The following C10orf67 variants were observed in gnomAD, a reference collection of about 807,000 sequenced individuals.
C10orf67 encodes uncharacterized protein C10orf67, mitochondrial.
A neutral mutation model predicts 35.6 loss-of-function variants in C10orf67; 60 were observed. The ratio of observed to expected loss-of-function variants is 1.68; its 90% CI spans 1.37 to 2.09. The LOEUF (loss-of-function observed/expected upper bound fraction) is 2.09. Ranked by LOEUF, C10orf67 falls within the 30% of genes most tolerant of loss-of-function variation. The probability of loss-of-function intolerance (pLI) is 0.00; values close to 1 mark genes in which losing one functional copy is unlikely to be tolerated. For missense variants in C10orf67, 474 were observed against 330.2 expected (o/e 1.44, Z -3.38); for synonymous variants, 167 against 115.8 (o/e 1.44, Z -2.84).
At chr10:23,310,481 G>A (rs888348406) in intron 4 of C10orf67, among the ~76,000 whole-genome samples, 34 of 152,336 alleles carry the variant, frequency 2.2e-4, no homozygotes, top group African/African-American at 7.9e-4. Context: ...GTAACCTGCT[G>A]CCTTTGGTTC....
At chr10:23,240,862 A>AT (rs1842161480) in intron 12 of C10orf67, among the ~76,000 whole-genome samples, 2 of 152,346 alleles carry the variant, frequency 1.3e-5, no homozygotes, top group Non-Finnish European at 2.9e-5. Flanking sequence ...GACGTACAAG[A>AT]TTTTGAGAAT....
chr10:23,282,748 T>C (rs920997140), intron 7 of C10orf67, among the ~76,000 whole-genome samples: 2 of 152,190 alleles, frequency 1.3e-5, no homozygotes, highest in Non-Finnish European at 2.9e-5. Context: ...GGAGGATTGC[T>C]TGAGCCCAGG....
Position 23,320,769 on chromosome 10 carries a change from G to A in C10orf67, c.518C>T (p.Ala173Val). 2 of 1,593,184 alleles carry A rather than the reference G, an allele frequency of 1.3e-6. No homozygotes were observed. Among genetic ancestry groups the A allele is most frequent in the Non-Finnish European group, 1.7e-6 (2 of 1,169,450 alleles). The change falls in exon 4 of 16, where the codon GCC (alanine) becomes GTC (valine). Residue 173 changes from alanine (A) to valine (V), a missense_variant. Ala to Val is a moderately conservative substitution (Grantham distance 64). Transcript: ENST00000636213. ...RKSFNQQLAD[A>V]IAVIKGMYQQ... ...GTACATTCCTTTGATAACAGCTATG[G>A]CATCAGCTAACTGCTGATTGAAGGA...
At chr10:23,219,749 T>C (rs1421500523) in intron 15 of C10orf67, among the ~76,000 whole-genome samples, 1 of 152,222 alleles carries the variant, frequency 6.6e-6, no homozygotes, top group Non-Finnish European at 1.5e-5. Context: ...TATCACCTGA[T>C]GTAACATTAT....
intron 8 of C10orf67, among the ~76,000 whole-genome samples, chr10:23,279,491 G>A (rs958737324): frequency 3.3e-5 from 5 of 152,226 alleles, no homozygotes; most frequent in African/African-American, 1.2e-4. Flanking sequence ...AGACTGCAAT[G>A]GTAACTCAGT....
chr10:23,253,483 G>A (rs1842516301), intron 10 of C10orf67, among the ~76,000 whole-genome samples: 1 of 152,040 alleles, frequency 6.6e-6, no homozygotes, highest in African/African-American at 2.4e-5. Context: ...AAGAGCCCCA[G>A]GCCCAGGGTC....
chr10:23,323,987 A>C (rs1845086680), intron 2 of C10orf67, among the ~76,000 whole-genome samples: 1 of 124,416 alleles, frequency 8.0e-6, no homozygotes, highest in African/African-American at 3.1e-5. Context: ...AAATGCTTCC[A>C]ACTTCATTCA....
chr10:23,290,621 A>G (rs1243766586), intron 6 of C10orf67, among the ~76,000 whole-genome samples: 2 of 152,232 alleles, frequency 1.3e-5, no homozygotes, highest in African/African-American at 2.4e-5. Context: ...TGTGGTATGA[A>G]AGAAAAGAGG....
At chr10:23,245,190 C>G (rs1842286214) in intron 12 of C10orf67, among the ~76,000 whole-genome samples, 1 of 152,156 alleles carries the variant, frequency 6.6e-6, no homozygotes, top group African/African-American at 2.4e-5. Flanking sequence ...CTATATTACA[C>G]AGTACACAAA....
At chr10:23,332,760 T>C (rs1415066727) in intron 2 of C10orf67, among the ~76,000 whole-genome samples, 1 of 152,170 alleles carries the variant, frequency 6.6e-6, no homozygotes, top group East Asian at 1.9e-4. Context: ...TTATTCATTA[T>C]ATATGCAAAG....
At chr10:23,324,709 G>A (rs1326044230) in intron 2 of C10orf67, among the ~76,000 whole-genome samples, 1 of 152,194 alleles carries the variant, frequency 6.6e-6, no homozygotes, top group Non-Finnish European at 1.5e-5. Context: ...CATGGCAATA[G>A]TTCTTTCTAG....
chr10:23,313,566 G>T (rs911127818), intron 4 of C10orf67, among the ~76,000 whole-genome samples: 4 of 152,210 alleles, frequency 2.6e-5, no homozygotes, highest in Non-Finnish European at 5.9e-5. Context: ...TGCAGGAAGA[G>T]TCTAGTGGAC....
chr10:23,278,558 T>C (rs1005577955), intron 8 of C10orf67, among the ~76,000 whole-genome samples: 5 of 152,172 alleles, frequency 3.3e-5, no homozygotes, highest in Non-Finnish European at 7.3e-5. Flanking sequence ...GCAGGTAAGA[T>C]AACAGGCCAT....
rs71504899 is a variant in C10orf67 at position 23,342,568 on chromosome 10, A to AT, written c.206+2000dup. 7.9e-5 allele frequency among the ~76,000 whole-genome samples: 12 copies of AT among 150,958 alleles called. No individual in the cohort carries two copies. In the South Asian group the frequency reaches 1.3e-3, roughly 16 times the overall value. ...GTCTGCTCTTGAGCCTGGCAAGTGC[A>AT]TTTTTTTTTGGGAGCTACCCCACCA... is the stretch of plus-strand genomic sequence containing the variant. On this transcript the variant is annotated intron_variant, in intron 1 of 15. Transcript: ENST00000636213.
chr10:23,290,331 G>A (rs879328783), intron 6 of C10orf67, among the ~76,000 whole-genome samples: 5 of 152,204 alleles, frequency 3.3e-5, no homozygotes, highest in East Asian at 1.9e-4. Flanking sequence ...CACAGCAGAA[G>A]AGAATGAGAC....
chr10:23,275,790 G>A (rs946430087), intron 8 of C10orf67, among the ~76,000 whole-genome samples: 2 of 152,134 alleles, frequency 1.3e-5, no homozygotes, highest in African/African-American at 4.8e-5. Context: ...CTTTTACAAA[G>A]ATGTTTGTAA....
rs565643812 is a variant in C10orf67 at position 23,243,074 on chromosome 10, A to C, written c.1347-3258T>G. Reference sequence around the variant, plus strand: ...TGCACTCTTAACCAAATAGTTAAGCAGACATTAAGCTAAAGAGCATTACTA... The same window carrying C: ...TGCACTCTTAACCAAATAGTTAAGCCGACATTAAGCTAAAGAGCATTACTA... On this transcript the variant is annotated intron_variant, in intron 12 of 15. Transcript: ENST00000636213. 3.9e-5 allele frequency among the ~76,000 whole-genome samples: 6 copies of C among 152,324 alleles called. No individual in the cohort carries two copies. The East Asian group carries it at 7.7e-4, about 20-fold the overall frequency.
At chr10:23,324,504 C>G (rs1270889128) in intron 2 of C10orf67, among the ~76,000 whole-genome samples, 2 of 152,168 alleles carry the variant, frequency 1.3e-5, no homozygotes, top group Non-Finnish European at 2.9e-5. Flanking sequence ...CCCAATAACT[C>G]TGGAAGTGCA....
At chr10:23,218,769 AT>A (rs1478414202) in intron 15 of C10orf67, among the ~76,000 whole-genome samples, 3 of 152,136 alleles carry the variant, frequency 2.0e-5, no homozygotes, top group East Asian at 3.8e-4. Context: ...TCCTTCTAAC[AT>A]TTTTATGGCC....
Sources: gnomAD v4.1 joint callset for allele counts (sites outside exome capture counted in the v4.1 genomes callset) on GRCh38, gnomAD v4.1.1 for gene constraint, MANE v1.5 for transcripts, NCBI Gene and HGNC (gene_info 2026-07-23, HGNC 2026-07-21) for gene names.